The following SCD5 variants were observed in gnomAD, a reference collection of about 807,000 sequenced individuals.
SCD5 encodes stearoyl-CoA desaturase 5, also known as acyl-CoA-desaturase 4.
In SCD5, 20 loss-of-function variants were observed where a neutral mutation model predicts 30.4. The ratio of observed to expected loss-of-function variants is 0.66; its 90% CI spans 0.46 to 0.96. The LOEUF is 0.96. SCD5 is among the 40% of genes least tolerant of loss of function. The pLI, the probability that SCD5 is intolerant of heterozygous loss-of-function variation, is 0.00. For missense variants in SCD5, 381 were observed against 443.3 expected (o/e 0.86, Z 1.26); for synonymous variants, 173 against 176.4 (o/e 0.98, Z 0.16).
intron 3 of SCD5, among the ~76,000 whole-genome samples, chr4:82,657,565 T>C (rs1461914371): frequency 6.6e-6 from 1 of 152,196 alleles, no homozygotes; most frequent in Non-Finnish European, 1.5e-5. Flanking sequence ...TTGCTTAGGA[T>C]TGTCTTGGTT....
intron 1 of SCD5, among the ~76,000 whole-genome samples, chr4:82,794,710 C>T (rs183627555): frequency 1.5e-4 from 23 of 149,692 alleles, no homozygotes; most frequent in African/African-American, 5.2e-4. Flanking sequence ...AGTGCAGTGG[C>T]GCAATCTCGG....
At chr4:82,658,441 A>T (rs1727910868) in intron 3 of SCD5, among the ~76,000 whole-genome samples, 1 of 149,000 alleles carries the variant, frequency 6.7e-6, no homozygotes, top group Non-Finnish European at 1.5e-5. Flanking sequence ...CCCAGGGATG[A>T]AGCTGACTTG....
At chr4:82,755,224 G>C (rs1721208413) in intron 1 of SCD5, among the ~76,000 whole-genome samples, 1 of 152,198 alleles carries the variant, frequency 6.6e-6, no homozygotes, top group Non-Finnish European at 1.5e-5. Flanking sequence ...AAGGGGCCAG[G>C]CATGGTGGCT....
At chr4:82,688,890 T>G (rs1728769491) in intron 2 of SCD5, among the ~76,000 whole-genome samples, 1 of 152,250 alleles carries the variant, frequency 6.6e-6, no homozygotes, top group Non-Finnish European at 1.5e-5. Context: ...ACCACATATT[T>G]AACACATACT....
At chr4:82,713,408 C>T (rs890296652) in intron 1 of SCD5, among the ~76,000 whole-genome samples, 3 of 152,222 alleles carry the variant, frequency 2.0e-5, no homozygotes, top group Non-Finnish European at 4.4e-5. Context: ...TCTGCTACTG[C>T]ACCACACAGT....
intron 1 of SCD5, among the ~76,000 whole-genome samples, chr4:82,782,836 T>A (rs1199234533): frequency 4.6e-5 from 7 of 152,242 alleles, no homozygotes; most frequent in African/African-American, 1.7e-4. Flanking sequence ...GCTATTCACA[T>A]GCCTAAAATT....
At chr4:82,675,691 G>C (rs1728422028) in intron 3 of SCD5, among the ~76,000 whole-genome samples, 1 of 152,174 alleles carries the variant, frequency 6.6e-6, no homozygotes, top group Non-Finnish European at 1.5e-5. Flanking sequence ...GGACTCAATG[G>C]AATAAGCAAA....
chr4:82,660,769 CTCTG>C lies in SCD5; in HGVS notation c.569+19934_569+19937del, dbSNP rs1198497436. 2.6e-6 allele frequency: 4 copies of C among 1,567,518 alleles called. No homozygotes were observed. The East Asian group carries it at 6.8e-5, about 27-fold the overall frequency. Reference sequence around the variant, plus strand: ...AACCTAATGTTAGCACAGACTGCAGCTCTGTCTATGCTTCACACCGTTAAAAAAG... The same window carrying C: ...AACCTAATGTTAGCACAGACTGCAGCTCTATGCTTCACACCGTTAAAAAAG... On this transcript the variant is annotated intron_variant, in intron 3 of 4. Coordinates refer to ENST00000319540, the MANE Select transcript of SCD5 (RefSeq NM_001037582.3).
intron 2 of SCD5, among the ~76,000 whole-genome samples, chr4:82,686,836 A>C (rs376352023): frequency 2.0e-5 from 3 of 152,154 alleles, no homozygotes; most frequent in Non-Finnish European, 2.9e-5. Context: ...AGGCTATTGT[A>C]GTATTGACCT....
In SCD5 at chr4:82,798,315, G is replaced by C. The variant is rs369204191; in HGVS notation, c.223C>G (p.Leu75Val). 1 of 1,610,180 alleles carries C rather than the reference G, an allele frequency of 6.2e-7. No homozygotes were observed. The highest frequency in any genetic ancestry group is 8.5e-7 in the Non-Finnish European group (1 of 1,178,610). ...VLIPKAKPLT[L>V]LWAYFCFLLA... ...CGCCGGCGGGACTTACCCCAGAGCA[G>C]AGTGAGTGGCTTGGCTTTGGGGATG... Residue 75 changes from leucine (L) to valine (V), a missense_variant, in exon 1 of 5, where the codon CTG (leucine) becomes GTG (valine). Transcript: ENST00000319540.
intron 1 of SCD5, among the ~76,000 whole-genome samples, chr4:82,780,901 C>T (rs1028265872): frequency 2.6e-5 from 4 of 152,230 alleles, no homozygotes; most frequent in Admixed American, 6.5e-5. Flanking sequence ...GGCCAAGGGG[C>T]GGCTTTGCTT....
At position 82,705,349 on chromosome 4, in the gene SCD5, G is replaced by A. The variant is rs763577278; in HGVS notation, c.297C>T (p.His99=). The A allele has an allele frequency of 8.7e-6, 14 of 1,614,240 alleles. No homozygotes were observed. The highest frequency in any genetic ancestry group is 1.2e-5 in the Non-Finnish European group (14 of 1,180,044). The change falls in exon 2 of 5, where the codon CAC becomes CAT. Residue 99 remains histidine (H), a synonymous_variant. Coordinates refer to ENST00000319540, the MANE Select transcript of SCD5 (RefSeq NM_001037582.3). ...VTAGAHRLWS[H]RSYRAKLPLR... ...GAGGCAGCTTGGCCCGGTAGGACCT[G>A]TGGCTCCACAAGCGATGGGCACCAG...
At chr4:82,730,915 C>A (rs1643912761) in intron 1 of SCD5, among the ~76,000 whole-genome samples, 1 of 152,164 alleles carries the variant, frequency 6.6e-6, no homozygotes, top group South Asian at 2.1e-4. Context: ...ACACAAAGAG[C>A]TCACTCTCTT....
At chr4:82,730,498 G>A (rs1387879138) in intron 1 of SCD5, among the ~76,000 whole-genome samples, 10 of 149,268 alleles carry the variant, frequency 6.7e-5, no homozygotes, top group South Asian at 2.1e-4. Flanking sequence ...GGGTTTCACC[G>A]TGTTAGCCAA....
chr4:82,653,376 ACT>A (rs1351262908), intron 3 of SCD5, among the ~76,000 whole-genome samples: 1 of 151,664 alleles, frequency 6.6e-6, no homozygotes, highest in Non-Finnish European at 1.5e-5. Flanking sequence ...ACAGTTGTAG[ACT>A]CTCTCCCTGC....
At chr4:82,685,570 G>A (rs577221864) in intron 2 of SCD5, among the ~76,000 whole-genome samples, 142 of 151,760 alleles carry the variant, frequency 9.4e-4, no homozygotes, top group African/African-American at 3.1e-3. Context: ...AAAATTAGCC[G>A]GGCATGGTGG....
At chr4:82,688,703 T>C (rs1332663795) in intron 2 of SCD5, among the ~76,000 whole-genome samples, 1 of 152,158 alleles carries the variant, frequency 6.6e-6, no homozygotes, top group Non-Finnish European at 1.5e-5. Flanking sequence ...TTGGTCTACA[T>C]AGGTCTTAGA....
chr4:82,791,076 A>G (rs1410471173), intron 1 of SCD5, among the ~76,000 whole-genome samples: 2 of 152,100 alleles, frequency 1.3e-5, no homozygotes, highest in Non-Finnish European at 2.9e-5. Flanking sequence ...CATCTCTACT[A>G]AAAATAAAAA....
At chr4:82,695,583 C>G (rs1430968121) in intron 2 of SCD5, among the ~76,000 whole-genome samples, 2 of 152,156 alleles carry the variant, frequency 1.3e-5, no homozygotes, top group East Asian at 1.9e-4. Context: ...GGTAGAGTCA[C>G]AACTTTGATT....
Sources: gnomAD v4.1 joint callset for allele counts (sites outside exome capture counted in the v4.1 genomes callset) on GRCh38, gnomAD v4.1.1 for gene constraint, MANE v1.5 for transcripts, NCBI Gene and HGNC (gene_info 2026-07-23, HGNC 2026-07-21) for gene names.